CSNK1D: variants seen among roughly 807,000 people sequenced by gnomAD.
The protein encoded by CSNK1D is casein kinase 1 delta.
CSNK1D carries 16 observed loss-of-function variants against 46.6 expected under a neutral mutation model. The ratio of observed to expected loss-of-function variants is 0.34; its 90% CI spans 0.23 to 0.52. CSNK1D has a LOEUF of 0.52. CSNK1D is among the 20% of genes least tolerant of loss of function. The probability of loss-of-function intolerance (pLI) is 0.95; values close to 1 mark genes in which losing one functional copy is unlikely to be tolerated. For synonymous variants in CSNK1D, 276 were observed against 228.2 expected, an observed-to-expected ratio of 1.21 and a Z score of -1.89; for missense variants, 398 against 578.4, an observed-to-expected ratio of 0.69 and a Z score of 3.20.
intron 2 of CSNK1D, among the ~76,000 whole-genome samples, chr17:82,262,060 C>T (rs933889191): frequency 6.6e-6 from 1 of 152,208 alleles, no homozygotes; most frequent in African/African-American, 2.4e-5. Context: ...CAGGTTTTGC[C>T]CACCAGTCCA....
At chr17:82,245,920 T>C in intron 8 of CSNK1D, 1 of 1,518,710 alleles carries the variant, frequency 6.6e-7, no homozygotes, top group Non-Finnish European at 9.0e-7. Context: ...GGGTGGGGCA[T>C]GGTGGCTCCC....
At chr17:82,245,042 A>G (rs1455302995) in intron 8 of CSNK1D, 2 of 665,296 alleles carry the variant, frequency 3.0e-6, no homozygotes, top group Non-Finnish European at 5.2e-6. Flanking sequence ...AAGGAGGAAG[A>G]GGCATGCAAG....
chr17:82,246,307 C>T, intron 8 of CSNK1D: 1 of 1,360,124 alleles, frequency 7.4e-7, no homozygotes, highest in Non-Finnish European at 9.5e-7. Context: ...TTCTCAAGCA[C>T]TAAGAAAACC....
chr17:82,249,722 C>T lies in CSNK1D; in HGVS notation c.886-120G>A, dbSNP rs75055212. ...CCAAAGGGCACTGGGACGAGACTGC[C>T]TGCAAAGCCCCCCACAGGCTGCACG... On this transcript the variant is annotated intron_variant, in intron 6 of 8. Transcript: ENST00000314028. The surrounding 1 kb of genome is among the most constrained non-coding windows in gnomAD (Gnocchi z 6.7). 1,871 of 1,517,436 alleles carry T rather than the reference C, an allele frequency of 1.2e-3. 22 individuals are homozygous for T. The East Asian group carries it at 0.033, about 27-fold the overall frequency. 94.0% of individuals were successfully genotyped at this position (1,517,436 alleles called of 1,614,324 possible).
rs1200678717 is a variant in CSNK1D at position 82,248,112 on chromosome 17, ACCCC to A, written c.1197+759_1197+762del. ...CGGAAGACCCGTGGGGGATCTGGGC[ACCCC>A]CCAGGATGCCTGCTGGTGAAACAGC... On this transcript the variant is annotated intron_variant, in intron 8 of 8. Coordinates refer to ENST00000314028, the MANE Select transcript of CSNK1D (RefSeq NM_001893.6). This position sits in a 1 kb window ranked among gnomAD's most constrained non-coding sequence, Gnocchi z 4.1. The A allele has an allele frequency of 8.1e-6, 8 of 985,204 alleles. No individual in the cohort carries two copies. Among genetic ancestry groups the A allele is most frequent in the Non-Finnish European group, 1.2e-6 (1 of 829,944 alleles). 61.0% of individuals were successfully genotyped at this position (985,204 alleles called of 1,614,324 possible).
intron 3 of CSNK1D, chr17:82,254,412 C>T (rs1465529227): frequency 8.7e-6 from 1 of 115,268 alleles, no homozygotes; most frequent in Non-Finnish European, 1.5e-5. Flanking sequence ...AGAAGCCAGT[C>T]AGCTGAGCCG....
At chr17:82,259,415 C>G (rs1331532508) in intron 2 of CSNK1D, among the ~76,000 whole-genome samples, 1 of 152,218 alleles carries the variant, frequency 6.6e-6, no homozygotes, top group African/African-American at 2.4e-5. Flanking sequence ...CTGCTGAAAA[C>G]AGTGTTGTGA....
At position 82,244,592 on chromosome 17, in the gene CSNK1D, G is replaced by GCGGTGGC. The variant is rs1466370526; in HGVS notation, c.*182_*188dup. ...CGTGGGGGGCCGCAGTGCAGCCCCA[G>GCGGTGGC]CGGTGGCAGCTCTTGGAGTCTGTCC... On this transcript the variant is annotated 3_prime_UTR_variant, in exon 9 of 9. Coordinates refer to ENST00000314028, the MANE Select transcript of CSNK1D (RefSeq NM_001893.6). 2.5e-4 allele frequency: 386 copies of GCGGTGGC among 1,513,948 alleles called. No individual in the cohort carries two copies. Among genetic ancestry groups the GCGGTGGC allele is most frequent in the Non-Finnish European group, 3.1e-4 (352 of 1,132,856 alleles). The allele number at this position is 1,513,948 out of a possible 1,614,324, so 93.8% of individuals were successfully genotyped here.
intron 1 of CSNK1D, among the ~76,000 whole-genome samples, chr17:82,267,962 C>G (rs1376486060): frequency 6.6e-6 from 1 of 152,266 alleles, no homozygotes; most frequent in African/African-American, 2.4e-5. Context: ...CACTGACTGT[C>G]GTGGGGCAAA....
rs758628586 is a variant in CSNK1D, at chr17:82,252,668, C to T, written c.566-64G>A. ...CGTGCTCACGTCAAAGCAAAAGACC[C>T]GGCTGGCCGTTCCAGTGGAGACTAG... On this transcript the variant is annotated intron_variant, in intron 4 of 8. Coordinates refer to ENST00000314028, the MANE Select transcript of CSNK1D (RefSeq NM_001893.6). The surrounding 1 kb of genome is among the most constrained non-coding windows in gnomAD (Gnocchi z 4.6). 18 of 1,537,620 alleles carry T rather than the reference C, an allele frequency of 1.2e-5. No homozygotes were observed. Among genetic ancestry groups the T allele is most frequent in the Middle Eastern group, 1.7e-4 (1 of 5,978 alleles).
In CSNK1D at chr17:82,250,011, G is replaced by C; in HGVS notation, c.886-409C>G. On this transcript the variant is annotated intron_variant, in intron 6 of 8. Transcript: ENST00000314028. This position sits in a 1 kb window ranked among gnomAD's most constrained non-coding sequence, Gnocchi z 4.6. ...GACAGCTGGGGAGGAAAGCGGGGTG[G>C]GGATGAGAGCGTTTGGTCGGACGAG... 1 of 1,236,758 alleles carries C rather than the reference G, an allele frequency of 8.1e-7. No homozygotes were observed. 76.6% of individuals were successfully genotyped at this position (1,236,758 alleles called of 1,614,324 possible).
chr17:82,249,044 C>T lies in CSNK1D; in HGVS notation c.1058-30G>A, dbSNP rs752848365. ...GGACAGGGAGAGAAACGGAGTGGGC[C>T]GCCCCCGTCTGCTGCCTCTCACTCG... On this transcript the variant is annotated intron_variant, in intron 7 of 8. Coordinates refer to ENST00000314028, the MANE Select transcript of CSNK1D (RefSeq NM_001893.6). The surrounding 1 kb of genome is among the most constrained non-coding windows in gnomAD (Gnocchi z 6.7). 31 of 1,547,332 alleles carry T rather than the reference C, an allele frequency of 2.0e-5. No homozygotes were observed. The East Asian group carries it at 3.4e-4, about 17-fold the overall frequency.
chr17:82,249,399 C>T lies in CSNK1D; in HGVS notation c.1057+32G>A. 6.5e-7 allele frequency: 1 copy of T among 1,533,078 alleles called. No homozygotes were observed. Among genetic ancestry groups the T allele is most frequent in the South Asian group, 1.2e-5 (1 of 83,830 alleles). The allele number at this position is 1,533,078 out of a possible 1,614,324, so 95.0% of individuals were successfully genotyped here. On this transcript the variant is annotated intron_variant, in intron 7 of 8. Transcript: ENST00000314028. The surrounding 1 kb of genome is among the most constrained non-coding windows in gnomAD (Gnocchi z 6.7). The stretch of plus-strand genomic sequence containing the variant: ...AAGACACAAGAAGTCACCCCAGAGC[C>T]AGCCCCAGAGCGCTGGGAGGGGGGC...
chr17:82,261,834 G>T (rs960728212), intron 2 of CSNK1D, among the ~76,000 whole-genome samples: 1 of 152,248 alleles, frequency 6.6e-6, no homozygotes, highest in African/African-American at 2.4e-5. Context: ...GAAGACAGTC[G>T]CCCACCCTCA....
chr17:82,246,558 A>T, intron 8 of CSNK1D: 1 of 1,041,410 alleles, frequency 9.6e-7, no homozygotes, highest in Non-Finnish European at 1.2e-6. Context: ...TACTGTAGCC[A>T]AAGAGCCCTG....
intron 1 of CSNK1D, among the ~76,000 whole-genome samples, chr17:82,270,272 C>G (rs1268542974): frequency 6.6e-6 from 1 of 152,222 alleles, no homozygotes; most frequent in Non-Finnish European, 1.5e-5. Flanking sequence ...ACTGTCACAG[C>G]AGGGTCGGGG....
Position 82,252,974 on chromosome 17 carries a change from C to A in CSNK1D, c.565+42G>T. ...CCCTGGGCTGAGGCATGGACGCGCCCAAAGGCACCCCAGGTCAGTGACCCC... is the reference window on the plus strand; with the variant it reads ...CCCTGGGCTGAGGCATGGACGCGCCAAAAGGCACCCCAGGTCAGTGACCCC... On this transcript the variant is annotated intron_variant, in intron 4 of 8. Transcript: ENST00000314028. This position sits in a 1 kb window ranked among gnomAD's most constrained non-coding sequence, Gnocchi z 4.6. 6.3e-7 allele frequency: 1 copy of A among 1,588,420 alleles called. No homozygotes were observed.
downstream of CSNK1D, among the ~76,000 whole-genome samples, chr17:82,241,014 C>G (rs2050735032): frequency 6.6e-6 from 1 of 152,146 alleles, no homozygotes; most frequent in Admixed American, 6.5e-5. Flanking sequence ...GCAGAGCTAT[C>G]CCCCAACCCC....
chr17:82,247,546 G>C, intron 8 of CSNK1D: 1 of 985,468 alleles, frequency 1.0e-6, no homozygotes, highest in Non-Finnish European at 1.2e-6. Context: ...GAGCACTCTG[G>C]GCTCCTGTAC....
Sources: gnomAD v4.1 joint callset for allele counts (sites outside exome capture counted in the v4.1 genomes callset) on GRCh38, gnomAD v4.1.1 for gene constraint, Gnocchi (gnomAD v3.1) non-coding constraint, MANE v1.5 for transcripts, NCBI Gene and HGNC (gene_info 2026-07-23, HGNC 2026-07-21) for gene names.